The following RPS9 variants were observed in gnomAD, a reference collection of about 807,000 sequenced individuals.
The protein encoded by RPS9 is ribosomal protein S9.
In RPS9, 1 loss-of-function variant was observed where a neutral mutation model predicts 16.9. The observed-to-expected ratio is 0.06, with a 90% CI of 0.02 to 0.28. The LOEUF is 0.28. Ranked by LOEUF, RPS9 falls within the 10% of genes least tolerant of loss-of-function variation. The probability of loss-of-function intolerance (pLI) is 1.00; values close to 1 mark genes in which losing one functional copy is unlikely to be tolerated. For missense variants in RPS9, 137 were observed against 273.2 expected (o/e 0.50, Z 3.51); for synonymous variants, 106 against 110.9 (o/e 0.96, Z 0.28).
At chr19:54,207,091 A>G (rs967818004) in intron 4 of RPS9, 6 of 464,138 alleles carry the variant, frequency 1.3e-5, no homozygotes, top group African/African-American at 2.0e-5. Flanking sequence ...GGTTCACGAT[A>G]TTTCAGACTC....
intron 3 of RPS9, 75 bp downstream of exon 3, chr19:54,201,684 T>C (rs2077058535): frequency 6.3e-7 from 1 of 1,591,012 alleles, no homozygotes; most frequent in Non-Finnish European, 8.6e-7. Flanking sequence ...GTTGCCTCTG[T>C]TCCAGTGATG....
Position 54,201,634 on chromosome 19 carries a change from G to A in RPS9, c.220+25G>A, listed in dbSNP as rs1406479004. On this transcript the variant is annotated intron_variant, in intron 3 of 4. Transcript: ENST00000302907. ...GGTGCGTATGGGAGTCCACAGCAGAGGGATGGGGTGCAGGGCTTGTGAGGT... is the reference window on the plus strand; with the variant it reads ...GGTGCGTATGGGAGTCCACAGCAGAAGGATGGGGTGCAGGGCTTGTGAGGT... 8.7e-6 allele frequency: 14 copies of A among 1,613,646 alleles called. No individual in the cohort carries two copies. The East Asian group carries it at 1.8e-4, about 21-fold the overall frequency.
At chr19:54,204,738 G>A (rs957233124) in intron 3 of RPS9, among the ~76,000 whole-genome samples, 8 of 152,138 alleles carry the variant, frequency 5.3e-5, no homozygotes, top group Non-Finnish European at 1.0e-4. Flanking sequence ...ATTTTCTAAT[G>A]TAAAGACAAA....
intron 1 of RPS9, 30 bp downstream of exon 1, chr19:54,200,918 G>C: frequency 1.5e-6 from 2 of 1,337,202 alleles, no homozygotes; most frequent in Middle Eastern, 2.9e-4. Context: ...TTTTTCTCTA[G>C]GGTTTGGGTT....
chr19:54,202,208 G>A (rs1046656952), intron 3 of RPS9, among the ~76,000 whole-genome samples: 3 of 152,026 alleles, frequency 2.0e-5, no homozygotes, highest in Middle Eastern at 6.9e-3. Flanking sequence ...CTTTTGAGAC[G>A]GAGTCTCGCT....
intron 4 of RPS9, 75 bp from the exon 5 acceptor site, chr19:54,207,323 A>G: frequency 7.6e-7 from 1 of 1,310,434 alleles, no homozygotes; most frequent in Non-Finnish European, 1.1e-6. Flanking sequence ...GTGGGTGGAG[A>G]GGAAAGAGTG....
chr19:54,205,403 C>G (rs2077205199), intron 3 of RPS9, among the ~76,000 whole-genome samples: 1 of 151,272 alleles, frequency 6.6e-6, no homozygotes, highest in Admixed American at 6.6e-5. Flanking sequence ...TATATACATA[C>G]TAGATATATT....
chr19:54,201,427 C>T lies in RPS9; in HGVS notation c.98-60C>T, dbSNP rs1239583347. Reference sequence around the variant, plus strand: ...GAAGGTTTTGTGATTCCAAAGCTGCCAGTCTAGTTGTTGTGCCAGTACGTG... The same window carrying T: ...GAAGGTTTTGTGATTCCAAAGCTGCTAGTCTAGTTGTTGTGCCAGTACGTG... On this transcript the variant is annotated intron_variant, in intron 2 of 4. Coordinates refer to ENST00000302907, the MANE Select transcript of RPS9 (RefSeq NM_001013.4). The T allele has an allele frequency of 6.8e-6, 11 of 1,610,076 alleles. No individual in the cohort carries two copies. In the South Asian group the frequency reaches 8.8e-5, roughly 13 times the overall value.
intron 1 of RPS9, 80 bp from the exon 2 acceptor site, chr19:54,201,080 C>T (rs773023407): frequency 3.9e-6 from 6 of 1,558,052 alleles, no homozygotes; most frequent in Non-Finnish European, 5.2e-6. Flanking sequence ...CGGATCTGGG[C>T]TCCGCGAGGT....
chr19:54,203,003 A>G (rs965066792), intron 3 of RPS9: 2 of 983,016 alleles, frequency 2.0e-6, no homozygotes, highest in African/African-American at 1.8e-5. Context: ...TGACCCTTTC[A>G]TTCTTTTCGT....
chr19:54,206,831 C>T (rs1021047151), intron 4 of RPS9: 15 of 949,886 alleles, frequency 1.6e-5, no homozygotes, highest in African/African-American at 1.2e-4. Flanking sequence ...TTCCAGACCC[C>T]GATCCATGAC....
chr19:54,201,746 T>C (rs2077061323), intron 3 of RPS9, 137 bp downstream of exon 3: 1 of 1,466,246 alleles, frequency 6.8e-7, no homozygotes. Context: ...TTAGTGGCAC[T>C]TGTGGAGTAG....
In RPS9 at chr19:54,201,289, G is replaced by C; in HGVS notation, c.97+8G>C. ...AAGAGCTGAAGCTGATCGGTGAGTG[G>C]CCAAGGCTTCCGGGAAGTGGTTCGG... On this transcript the variant is annotated splice_region_variant and intron_variant, in intron 2 of 4. Coordinates refer to ENST00000302907, the MANE Select transcript of RPS9 (RefSeq NM_001013.4). 2 of 1,614,100 alleles carry C rather than the reference G, an allele frequency of 1.2e-6. No individual in the cohort carries two copies.
Position 54,206,281 on chromosome 19 carries a change from G to T in RPS9, c.226G>T (p.Ala76Ser), listed in dbSNP as rs755561765. The change falls in exon 4 of 5, where the codon GCC becomes TCC. Residue 76 changes from alanine to serine, a missense_variant. Physicochemically the swap from Ala to Ser is moderately conservative, Grantham distance 99. Coordinates refer to ENST00000302907, the MANE Select transcript of RPS9 (RefSeq NM_001013.4). ...KDPRRLFEGN[A>S]LLRRLVRIGV... Reference sequence around the variant, plus strand: ...TTTCCTCCCACTCTTCCCAGGCAACGCCCTGCTGCGGCGGCTGGTCCGCAT... The same window carrying T: ...TTTCCTCCCACTCTTCCCAGGCAACTCCCTGCTGCGGCGGCTGGTCCGCAT... 1 of 1,612,418 alleles carries T rather than the reference G, an allele frequency of 6.2e-7. No homozygotes were observed. Among genetic ancestry groups the T allele is most frequent in the Admixed American group, 1.7e-5 (1 of 60,010 alleles).
intron 1 of RPS9, 68 bp downstream of exon 1, chr19:54,200,956 C>A: frequency 7.3e-7 from 1 of 1,373,360 alleles, no homozygotes; most frequent in African/African-American, 1.5e-5. Flanking sequence ...TTCCGAGTTT[C>A]CATGAGTAAG....
intron 3 of RPS9, 142 bp downstream of exon 3, chr19:54,201,751 G>T (rs36614): frequency 1.6e-5 from 23 of 1,460,974 alleles, no homozygotes; most frequent in Non-Finnish European, 2.1e-5. Flanking sequence ...GGCACTTGTG[G>T]AGTAGGAAAA....
At chr19:54,204,218 A>T (rs973041344) in intron 3 of RPS9, among the ~76,000 whole-genome samples, 7 of 152,060 alleles carry the variant, frequency 4.6e-5, no homozygotes, top group Admixed American at 3.3e-4. Flanking sequence ...CTTAGTCTCT[A>T]CTGAAAAAAT....
intron 3 of RPS9, among the ~76,000 whole-genome samples, chr19:54,204,268 C>T (rs2077165678): frequency 6.6e-6 from 1 of 152,144 alleles, no homozygotes; most frequent in South Asian, 2.1e-4. Flanking sequence ...CCTTTAATCC[C>T]AGGCTGAGGC....
chr19:54,206,815 AGTT>A, intron 4 of RPS9: 1 of 1,145,636 alleles, frequency 8.7e-7, no homozygotes, highest in East Asian at 2.6e-5. Flanking sequence ...CCGCTTGTGA[AGTT>A]GATTCCAGAC....
Sources: gnomAD v4.1 joint callset for allele counts (sites outside exome capture counted in the v4.1 genomes callset) on GRCh38, gnomAD v4.1.1 for gene constraint, MANE v1.5 for transcripts, NCBI Gene and HGNC (gene_info 2026-07-23, HGNC 2026-07-21) for gene names.